NRROS: variants seen among roughly 807,000 people sequenced by gnomAD.
NRROS encodes negative regulator of reactive oxygen species, also known as transforming growth factor beta activator LRRC33.
A neutral mutation model predicts 12.0 loss-of-function variants in NRROS; 6 were observed. The observed-to-expected ratio is 0.50, with a 90% CI of 0.27 to 0.98. NRROS has a LOEUF of 0.98. Ranked by LOEUF, NRROS falls within the 50% of genes least tolerant of loss-of-function variation. The pLI is 0.11. For missense variants in NRROS, 857 were observed against 888.2 expected (o/e 0.96, Z 0.45); for synonymous variants, 462 against 410.2 (o/e 1.13, Z -1.53).
intron 1 of NRROS, among the ~76,000 whole-genome samples, chr3:196,652,774 C>T (rs1454416405): frequency 6.6e-6 from 1 of 152,148 alleles, no homozygotes; most frequent in Non-Finnish European, 1.5e-5. Flanking sequence ...CCTTACACGT[C>T]TAGATTCAGT....
chr3:196,656,858 G>A (rs1211591916), intron 2 of NRROS, among the ~76,000 whole-genome samples: 13 of 152,120 alleles, frequency 8.5e-5, no homozygotes, highest in Non-Finnish European at 1.5e-5. Context: ...GAATTGGAGA[G>A]TCTGGGTGCC....
rs1175090794 is a variant in NRROS at position 196,659,351 on chromosome 3, AGTGCAGTG to A, written c.109-385_109-378del. On this transcript the variant is annotated intron_variant, in intron 2 of 2. Transcript: ENST00000328557. ...AGTCTTGCTCTGTCGCCCAGGCTGG[AGTGCAGTG>A]GTGCAGTGGTGCAGTCTCGGCTCAC... 5.6e-5 allele frequency among the ~76,000 whole-genome samples: 7 copies of A among 124,964 alleles called. No individual in the cohort carries two copies. In the East Asian group the frequency reaches 1.8e-3, roughly 33 times the overall value. 82.0% of individuals were successfully genotyped at this position (124,964 alleles called of 152,430 possible).
intron 1 of NRROS, among the ~76,000 whole-genome samples, chr3:196,641,119 T>C (rs1444186985): frequency 6.7e-6 from 1 of 149,740 alleles, no homozygotes; most frequent in Non-Finnish European, 1.5e-5. Context: ...GAAAAAACCT[T>C]AACTCCTGCC....
rs560534486 is a variant in NRROS at position 196,648,484 on chromosome 3, CGGCCAAGCT to C, written c.-13-6042_-13-6034del. Among the ~76,000 whole-genome samples, 59 of 152,030 alleles carry C rather than the reference CGGCCAAGCT, an allele frequency of 3.9e-4. No individual in the cohort carries two copies. In the South Asian group the frequency reaches 0.011, roughly 28 times the overall value. On this transcript the variant is annotated intron_variant, in intron 1 of 2. Coordinates refer to ENST00000328557, the MANE Select transcript of NRROS (RefSeq NM_198565.3). Reference sequence around the variant, plus strand: ...TAGAGATTCTTTAAAATCCAACATCCGGCCAAGCTCAGTGGCTCACGACTGTAATCCCAG... The same window carrying C: ...TAGAGATTCTTTAAAATCCAACATCCCAGTGGCTCACGACTGTAATCCCAG...
chr3:196,642,994 T>G (rs918195224), intron 1 of NRROS, among the ~76,000 whole-genome samples: 47 of 151,202 alleles, frequency 3.1e-4, no homozygotes, highest in African/African-American at 1.1e-3. Flanking sequence ...CGCTTGAACC[T>G]TGGAGGCGGA....
chr3:196,642,303 A>G (rs1201514975), intron 1 of NRROS, among the ~76,000 whole-genome samples: 2 of 151,186 alleles, frequency 1.3e-5, no homozygotes, highest in African/African-American at 4.9e-5. Context: ...AAAAAAAAAA[A>G]GGATTTATTG....
intron 1 of NRROS, among the ~76,000 whole-genome samples, chr3:196,643,503 C>A (rs891154036): frequency 6.6e-6 from 1 of 152,232 alleles, no homozygotes; most frequent in Admixed American, 6.5e-5. Context: ...GCGCCATGTG[C>A]ACCAAGCAAC....
chr3:196,654,498 C>T lies in NRROS; in HGVS notation c.-13-29C>T. On this transcript the variant is annotated intron_variant, in intron 1 of 2. Transcript: ENST00000328557. This position sits in a 1 kb window ranked among gnomAD's most constrained non-coding sequence, Gnocchi z 4.4. ...AGCCCTCTGGGATGTCCTTCTCTGA[C>T]TTACCTCTTCCCTGCTCTCTGTCCA... 7.4e-7 allele frequency: 1 copy of T among 1,342,978 alleles called. No homozygotes were observed. Among genetic ancestry groups the T allele is most frequent in the Non-Finnish European group, 1.1e-6 (1 of 932,164 alleles). 83.2% of individuals were successfully genotyped at this position (1,342,978 alleles called of 1,614,324 possible).
Position 196,660,809 on chromosome 3 carries a change from C to T in NRROS, c.1166C>T (p.Ser389Leu), listed in dbSNP as rs140317279. 39 of 1,613,552 alleles carry T rather than the reference C, an allele frequency of 2.4e-5. No individual in the cohort carries two copies. The highest frequency in any genetic ancestry group is 2.0e-4 in the Admixed American group (12 of 60,012). ...TELDLSHNQL[S>L]ELHLAPGLAS... ...CTGGACCTGAGCCACAACCAGCTGT[C>T]GGAGCTGCACCTGGCTCCGGGGCTG... Residue 389 changes from serine (S) to leucine (L), a missense_variant, in exon 3 of 3, where the codon TCG becomes TTG. By Grantham distance (145) the Ser-to-Leu change is moderately radical. Transcript: ENST00000328557. This position sits in a 1 kb window ranked among gnomAD's most constrained non-coding sequence, Gnocchi z 7.7.
chr3:196,640,352 G>T (rs1737184287), intron 1 of NRROS, among the ~76,000 whole-genome samples: 1 of 152,192 alleles, frequency 6.6e-6, no homozygotes, highest in Non-Finnish European at 1.5e-5. Flanking sequence ...AACGTGGATT[G>T]AGAACCACTA....
In NRROS at chr3:196,661,364, C is replaced by A; in HGVS notation, c.1721C>A (p.Pro574His). Residue 574 changes from proline (P) to histidine (H), a missense_variant, in exon 3 of 3, where the codon CCC (proline) becomes CAC (histidine). Physicochemically the swap from Pro to His is moderately conservative, Grantham distance 77 (BLOSUM62 -2). Coordinates refer to ENST00000328557, the MANE Select transcript of NRROS (RefSeq NM_198565.3). ...CGTAGAAACTCGCTCACAGCCCTTC[C>A]CCAGAAGGCTGTGTCTGAGCAGCTC... ...DLRRNSLTAL[P>H]QKAVSEQLSR... is the part of the protein sequence containing the mutation. 1 of 1,575,140 alleles carries A rather than the reference C, an allele frequency of 6.3e-7. No homozygotes were observed. Among genetic ancestry groups the A allele is most frequent in the Non-Finnish European group, 8.6e-7 (1 of 1,159,128 alleles).
chr3:196,654,526 G>C lies in NRROS; in HGVS notation c.-13-1G>C. 6.3e-7 allele frequency: 1 copy of C among 1,576,132 alleles called. No homozygotes were observed. Among genetic ancestry groups the C allele is most frequent in the Non-Finnish European group, 8.7e-7 (1 of 1,145,400 alleles). ...ACCTCTTCCCTGCTCTCTGTCCACA[G>C]GGCTGCCCTTGAGATGGAGTTGCTG... On this transcript the variant is annotated splice_acceptor_variant, in intron 1 of 2. Transcript: ENST00000328557. LOFTEE classifies it low-confidence loss of function (5UTR_SPLICE). The surrounding 1 kb of genome is among the most constrained non-coding windows in gnomAD (Gnocchi z 4.4).
intron 2 of NRROS, among the ~76,000 whole-genome samples, chr3:196,656,370 G>C (rs1372620549): frequency 6.6e-6 from 1 of 152,174 alleles, no homozygotes; most frequent in African/African-American, 2.4e-5. Context: ...ATATGACATA[G>C]AGGTTACAAG....
At position 196,660,945 on chromosome 3, in the gene NRROS, C is replaced by T; in HGVS notation, c.1302C>T (p.Ser434=). Residue 434 remains serine (S), a synonymous_variant, in exon 3 of 3, where the codon AGC becomes AGT. Coordinates refer to ENST00000328557, the MANE Select transcript of NRROS (RefSeq NM_198565.3). The surrounding 1 kb of genome is among the most constrained non-coding windows in gnomAD (Gnocchi z 7.7). Reference sequence around the variant, plus strand: ...GGAACATCACTACACTTGACATGAGCCACAATCAGATCTCACTTTGTCCCC... The same window carrying T: ...GGAACATCACTACACTTGACATGAGTCACAATCAGATCTCACTTTGTCCCC... The part of the protein sequence containing the change: ...NARNITTLDM[S]HNQISLCPLP... 1 of 1,614,196 alleles carries T rather than the reference C, an allele frequency of 6.2e-7. No individual in the cohort carries two copies. Among genetic ancestry groups the T allele is most frequent in the Non-Finnish European group, 8.5e-7 (1 of 1,180,044 alleles).
chr3:196,643,256 G>A (rs1172425537), intron 1 of NRROS, among the ~76,000 whole-genome samples: 1 of 152,168 alleles, frequency 6.6e-6, no homozygotes, highest in African/African-American at 2.4e-5. Flanking sequence ...CAGAGCGAAC[G>A]GAGTCAGGTG....
intron 2 of NRROS, among the ~76,000 whole-genome samples, chr3:196,657,409 G>A (rs73084961): frequency 6.6e-6 from 1 of 151,464 alleles, no homozygotes; most frequent in South Asian, 2.1e-4. Flanking sequence ...AGGGAGGAGC[G>A]CAACACCCAC....
At chr3:196,656,152 G>A (rs188298505) in intron 2 of NRROS, among the ~76,000 whole-genome samples, 13 of 151,926 alleles carry the variant, frequency 8.6e-5, no homozygotes, top group South Asian at 4.1e-4. Context: ...GGGTGACAGA[G>A]TGATACTCCA....
At position 196,661,494 on chromosome 3, in the gene NRROS, C is replaced by T; in HGVS notation, c.1851C>T (p.Ala617=). The change falls in exon 3 of 3, where the codon GCC becomes GCT. Residue 617 remains alanine (A), a synonymous_variant. Transcript: ENST00000328557. ...ATGGGCAGACGGTGGCCGACTGGGCCATGGTCACCTGCAACCTCTCCTCCA... is the reference window on the plus strand; with the variant it reads ...ATGGGCAGACGGTGGCCGACTGGGCTATGGTCACCTGCAACCTCTCCTCCA... The part of the protein sequence containing the change: ...LQHGQTVADW[A]MVTCNLSSKI... 1 of 1,609,536 alleles carries T rather than the reference C, an allele frequency of 6.2e-7. No individual in the cohort carries two copies. Among genetic ancestry groups the T allele is most frequent in the Non-Finnish European group, 8.5e-7 (1 of 1,176,586 alleles).
At chr3:196,643,346 T>A (rs1018383362) in intron 1 of NRROS, among the ~76,000 whole-genome samples, 2 of 152,032 alleles carry the variant, frequency 1.3e-5, no homozygotes, top group Non-Finnish European at 2.9e-5. Context: ...AAGGAGGAAG[T>A]GGAACCTCGT....
Sources: gnomAD v4.1 joint callset for allele counts (sites outside exome capture counted in the v4.1 genomes callset) on GRCh38, gnomAD v4.1.1 for gene constraint, Gnocchi (gnomAD v3.1) non-coding constraint, MANE v1.5 for transcripts, NCBI Gene and HGNC (gene_info 2026-07-23, HGNC 2026-07-21) for gene names.